The following MTARC1 variants were observed in gnomAD, a reference collection of about 807,000 sequenced individuals.
MTARC1 encodes the protein mitochondrial amidoxime reducing component 1, also known as mitochondrial amidoxime-reducing component 1.
MTARC1 carries 24 observed loss-of-function variants against 33.6 expected under a neutral mutation model. That is an observed-to-expected ratio of 0.72 (90% CI 0.52 to 1.01). The LOEUF (loss-of-function observed/expected upper bound fraction) is 1.01, where lower values mean the gene tolerates loss of function less well. Among genes scored for constraint, MTARC1 ranks in the 50% least tolerant of loss-of-function variants. The probability of loss-of-function intolerance (pLI) is 0.00; values close to 1 mark genes in which losing one functional copy is unlikely to be tolerated. For missense variants in MTARC1, 417 were observed against 445.7 expected, an observed-to-expected ratio of 0.94 and a Z score of 0.58; for synonymous variants, 187 against 189.5, an observed-to-expected ratio of 0.99 and a Z score of 0.11.
chr1:220,798,986 G>A (rs883847), intron 4 of MTARC1: 1 of 985,122 alleles, frequency 1.0e-6, no homozygotes. Context: ...TGTGACGGCT[G>A]GTTTCAGCTT....
At chr1:220,792,527 T>C (rs893924404) in intron 2 of MTARC1, among the ~76,000 whole-genome samples, 2 of 152,116 alleles carry the variant, frequency 1.3e-5, no homozygotes, top group African/African-American at 4.8e-5. Context: ...GTTCACAAAA[T>C]GCAATACTGA....
In MTARC1 at chr1:220,787,035, A is replaced by G; in HGVS notation, c.91A>G (p.Thr31Ala). The G allele has an allele frequency of 7.3e-7, 1 of 1,369,368 alleles. No homozygotes were observed. Among genetic ancestry groups the G allele is most frequent in the Non-Finnish European group, 9.3e-7 (1 of 1,069,574 alleles). The allele number at this position is 1,369,368 out of a possible 1,614,324, so 84.8% of individuals were successfully genotyped here. A position where few individuals can be genotyped will look rare whatever the true frequency, so the allele number is the denominator to read the frequency against. Residue 31 changes from threonine (T) to alanine (A), a missense_variant, in exon 1 of 7, where the codon ACC (threonine) becomes GCC (alanine). Transcript: ENST00000366910. ...GWLGVAALGLTAVALGAVAWR... is the reference protein window; with the variant it reads ...GWLGVAALGLAAVALGAVAWR... ...GCTCGGGGTTGCCGCGCTGGGCCTG[A>G]CCGCGGTGGCGCTGGGGGCTGTCGC...
At chr1:220,790,098 T>C (rs145279250) in intron 1 of MTARC1, among the ~76,000 whole-genome samples, 205 of 152,320 alleles carry the variant, frequency 1.3e-3, no homozygotes, top group African/African-American at 4.7e-3. Flanking sequence ...ACTCGGGCTG[T>C]TACTACTTTT....
Position 220,818,850 on chromosome 1 carries a change from C to G in MTARC1, c.*5432C>G, listed in dbSNP as rs891614149. ...ACATGACCTGCCCAGCAATTAAAGC[C>G]GCTTGTTAGTCCGAGGCCCAGGACG... On this transcript the variant is annotated 3_prime_UTR_variant, in exon 7 of 7. Coordinates refer to ENST00000366910, the MANE Select transcript of MTARC1 (RefSeq NM_022746.4). 1 of 152,170 alleles carries G rather than the reference C, an allele frequency of 6.6e-6. No homozygotes were observed. The highest frequency in any genetic ancestry group is 6.5e-5 in the Admixed American group (1 of 15,286). 9.4% of individuals were successfully genotyped at this position (152,170 alleles called of 1,614,324 possible).
chr1:220,796,175 T>G (rs1052315813), intron 2 of MTARC1, among the ~76,000 whole-genome samples: 1 of 152,170 alleles, frequency 6.6e-6, no homozygotes, highest in African/African-American at 2.4e-5. Flanking sequence ...ATCTGTAATG[T>G]TTTAGGCTTT....
Position 220,813,274 on chromosome 1 carries a change from G to T in MTARC1, c.888-18G>T. The T allele has an allele frequency of 6.2e-7, 1 of 1,613,918 alleles. No individual in the cohort carries two copies. The highest frequency in any genetic ancestry group is 8.5e-7 in the Non-Finnish European group (1 of 1,179,914). ...CATCCGCTTGGCTGTGACTCATCAT[G>T]ATCTTTTCCTATTGCAGTTATCGCC... On this transcript the variant is annotated intron_variant, in intron 6 of 6. Transcript: ENST00000366910.
Position 220,786,954 on chromosome 1 carries a change from G to A in MTARC1, c.10G>A (p.Ala4Thr), listed in dbSNP as rs962839279. ...CGCGGAGAAGCCAGCCATGGGCGCCGCCGGCTCCTCCGCGCTGGCGCGCTT... is the reference window on the plus strand; with the variant it reads ...CGCGGAGAAGCCAGCCATGGGCGCCACCGGCTCCTCCGCGCTGGCGCGCTT... Reference protein sequence around the residue: MGAAGSSALARFVL... With the variant: MGATGSSALARFVL... The change falls in exon 1 of 7, where the codon GCC (alanine) becomes ACC (threonine). Residue 4 changes from alanine to threonine, a missense_variant. Physicochemically the swap from Ala to Thr is moderately conservative, Grantham distance 58. Transcript: ENST00000366910. The A allele has an allele frequency of 3.2e-6, 4 of 1,241,554 alleles. No homozygotes were observed. The highest frequency in any genetic ancestry group is 3.0e-6 in the Non-Finnish European group (3 of 995,308). 76.9% of individuals were successfully genotyped at this position (1,241,554 alleles called of 1,614,324 possible).
chr1:220,812,567 G>A (rs1031066627), intron 6 of MTARC1, among the ~76,000 whole-genome samples: 4 of 152,182 alleles, frequency 2.6e-5, no homozygotes, highest in East Asian at 1.9e-4. Flanking sequence ...CGGCAGCTGC[G>A]GACAGGCTGT....
chr1:220,801,255 G>T (rs1379493030), intron 4 of MTARC1, among the ~76,000 whole-genome samples: 1 of 151,850 alleles, frequency 6.6e-6, no homozygotes, highest in African/African-American at 2.4e-5. Context: ...TGTGTCCTCT[G>T]CCTGGCATAT....
intron 4 of MTARC1, chr1:220,798,312 A>T: frequency 3.1e-6 from 4 of 1,280,616 alleles, no homozygotes; most frequent in Non-Finnish European, 4.0e-6. Flanking sequence ...CATAGACTAC[A>T]TGATCTGTGT....
In MTARC1 at chr1:220,816,260, C is replaced by T. The variant is rs1374001006; in HGVS notation, c.*2842C>T. The stretch of plus-strand genomic sequence containing the variant: ...CAACAGTGATGGCAGGCTGAAATTC[C>T]AGGCAAGTGCTCCCAGCATTCCAAG... On this transcript the variant is annotated 3_prime_UTR_variant, in exon 7 of 7. Transcript: ENST00000366910. 4 of 152,302 alleles carry T rather than the reference C, an allele frequency of 2.6e-5. No individual in the cohort carries two copies. In the East Asian group the frequency reaches 7.7e-4, roughly 29 times the overall value. 9.4% of individuals were successfully genotyped at this position (152,302 alleles called of 1,614,324 possible). A position where few individuals can be genotyped will look rare whatever the true frequency, so the allele number is the denominator to read the frequency against.
chr1:220,797,356 G>A (rs1316820911), intron 3 of MTARC1, among the ~76,000 whole-genome samples: 2 of 152,202 alleles, frequency 1.3e-5, no homozygotes, highest in Non-Finnish European at 2.9e-5. Context: ...AGTCCAGAGA[G>A]TTGAGGCTGC....
intron 2 of MTARC1, among the ~76,000 whole-genome samples, chr1:220,795,080 C>T (rs944887008): frequency 6.6e-6 from 1 of 152,030 alleles, no homozygotes; most frequent in Non-Finnish European, 1.5e-5. Flanking sequence ...TCCATTTATA[C>T]ATTATTATTA....
chr1:220,809,679 T>G (rs1673070327), intron 6 of MTARC1, among the ~76,000 whole-genome samples: 1 of 152,152 alleles, frequency 6.6e-6, no homozygotes, highest in Non-Finnish European at 1.5e-5. Context: ...CTGGCTAATT[T>G]TTGTATTTTT....
At chr1:220,792,194 C>T (rs1011439777) in intron 2 of MTARC1, among the ~76,000 whole-genome samples, 7 of 152,154 alleles carry the variant, frequency 4.6e-5, no homozygotes, top group African/African-American at 1.2e-4. Flanking sequence ...ATCCAGCCAG[C>T]GGCTGCCCAG....
chr1:220,808,647 G>A (rs868180649), intron 6 of MTARC1, among the ~76,000 whole-genome samples: 1 of 152,210 alleles, frequency 6.6e-6, no homozygotes, highest in East Asian at 1.9e-4. Context: ...GAATGCCAGC[G>A]CTCAGCTGGG....
At chr1:220,795,354 A>G (rs903734781) in intron 2 of MTARC1, among the ~76,000 whole-genome samples, 14 of 152,220 alleles carry the variant, frequency 9.2e-5, no homozygotes, top group African/African-American at 3.4e-4. Context: ...ATTTGTGGAA[A>G]TGGAATGCTC....
intron 4 of MTARC1, among the ~76,000 whole-genome samples, chr1:220,804,707 C>T (rs948029679): frequency 6.6e-6 from 1 of 151,304 alleles, no homozygotes; most frequent in Non-Finnish European, 1.5e-5. Flanking sequence ...TCCCCCTCCC[C>T]ACTTTCACCC....
rs1430361672 is a variant in MTARC1, at chr1:220,817,840, C to T, written c.*4422C>T. On this transcript the variant is annotated 3_prime_UTR_variant, in exon 7 of 7. Coordinates refer to ENST00000366910, the MANE Select transcript of MTARC1 (RefSeq NM_022746.4). ...TCTCGTGATCTGCCCGCCTCGGCCT[C>T]CCAAAGTGCTGGGATTACAGTTGTG... 1.3e-5 allele frequency: 2 copies of T among 152,304 alleles called. No individual in the cohort carries two copies. The highest frequency in any genetic ancestry group is 6.5e-5 in the Admixed American group (1 of 15,280). The allele number at this position is 152,304 out of a possible 1,614,324, so 9.4% of individuals were successfully genotyped here.
Sources: allele counts gnomAD v4.1 joint callset (sites outside exome capture counted in the v4.1 genomes callset), GRCh38; gene constraint gnomAD v4.1.1; transcripts MANE v1.5; gene names NCBI Gene and HGNC (gene_info 2026-07-23, HGNC 2026-07-21).